The following KIAA0319L variants were observed in gnomAD, a reference collection of about 807,000 sequenced individuals.
The protein encoded by KIAA0319L is dyslexia-associated protein KIAA0319-like protein.
A neutral mutation model predicts 120.1 loss-of-function variants in KIAA0319L; 55 were observed. The ratio of observed to expected loss-of-function variants is 0.46; its 90% confidence interval spans 0.37 to 0.57. KIAA0319L has a LOEUF of 0.57. Ranked by LOEUF, KIAA0319L falls within the 20% of genes least tolerant of loss-of-function variation. The pLI, the probability that KIAA0319L is intolerant of heterozygous loss-of-function variation, is 0.00. For missense variants in KIAA0319L, 1,049 were observed against 1,255.3 expected (o/e 0.84, Z 2.48); for synonymous variants, 398 against 471.9 (o/e 0.84, Z 2.03).
intron 4 of KIAA0319L, among the ~76,000 whole-genome samples, chr1:35,476,244 A>C (rs1388642901): frequency 2.0e-5 from 3 of 152,214 alleles, no homozygotes; most frequent in Admixed American, 2.0e-4. Context: ...TAAGGTGTTT[A>C]ACAGTATCAC....
intron 3 of KIAA0319L, among the ~76,000 whole-genome samples, chr1:35,479,505 A>G (rs1161053972): frequency 6.6e-6 from 1 of 152,208 alleles, no homozygotes; most frequent in Non-Finnish European, 1.5e-5. Context: ...ATTTCTATTC[A>G]ATCTTTCTAC....
chr1:35,465,959 AC>A (rs1467848835), intron 7 of KIAA0319L, among the ~76,000 whole-genome samples: 4 of 152,196 alleles, frequency 2.6e-5, no homozygotes, highest in African/African-American at 9.7e-5. Flanking sequence ...CTCCCCAGCC[AC>A]GTGGAACTGT....
At chr1:35,445,221 G>C (rs1641530709) in intron 16 of KIAA0319L, among the ~76,000 whole-genome samples, 1 of 152,128 alleles carries the variant, frequency 6.6e-6, no homozygotes. Context: ...AGGCATGCAT[G>C]ACATAAAATC....
intron 3 of KIAA0319L, among the ~76,000 whole-genome samples, chr1:35,502,122 C>T (rs754308721): frequency 9.3e-5 from 14 of 151,216 alleles, no homozygotes; most frequent in Non-Finnish European, 1.3e-4. Flanking sequence ...ACTAAAAATA[C>T]AAAAAAAGTC....
chr1:35,462,368 T>C (rs1020593290), intron 8 of KIAA0319L, among the ~76,000 whole-genome samples: 5 of 152,208 alleles, frequency 3.3e-5, no homozygotes, highest in African/African-American at 1.2e-4. Context: ...ATTACATGCA[T>C]AGTTTCAGTT....
intron 3 of KIAA0319L, among the ~76,000 whole-genome samples, chr1:35,491,353 T>C (rs915758194): frequency 1.3e-5 from 2 of 152,118 alleles, no homozygotes; most frequent in Non-Finnish European, 2.9e-5. Flanking sequence ...CAGATTAAAG[T>C]TCAACAAGCC....
chr1:35,500,761 A>AG (rs1343399107), intron 3 of KIAA0319L, among the ~76,000 whole-genome samples: 1 of 152,246 alleles, frequency 6.6e-6, no homozygotes, highest in African/African-American at 2.4e-5. Context: ...TGCATTAAGC[A>AG]GAAGTTTGAA....
Position 35,453,753 on chromosome 1 carries a change from T to C in KIAA0319L, c.1781-64A>G. The C allele has an allele frequency of 6.6e-7, 1 of 1,515,828 alleles. No homozygotes were observed. Among genetic ancestry groups the C allele is most frequent in the Non-Finnish European group, 9.0e-7 (1 of 1,116,602 alleles). 93.9% of individuals were successfully genotyped at this position (1,515,828 alleles called of 1,614,324 possible). The stretch of plus-strand genomic sequence containing the variant: ...CAGGTGGGAAAGGAGAGGAACCAAT[T>C]GGGACACATGTTCTGGAAGCCATGG... On this transcript the variant is annotated intron_variant, in intron 11 of 20. Coordinates refer to ENST00000325722, the MANE Select transcript of KIAA0319L (RefSeq NM_024874.5). This position sits in a 1 kb window ranked among gnomAD's most constrained non-coding sequence, Gnocchi z 4.1.
intron 7 of KIAA0319L, among the ~76,000 whole-genome samples, chr1:35,465,483 A>T (rs1430578206): frequency 6.6e-6 from 1 of 152,180 alleles, no homozygotes; most frequent in Non-Finnish European, 1.5e-5. Flanking sequence ...CCCCCATTGT[A>T]CCTAGGAAGT....
chr1:35,524,188 T>C lies in KIAA0319L; in HGVS notation c.143-17053A>G, dbSNP rs145586862. On this transcript the variant is annotated intron_variant, in intron 2 of 20. Coordinates refer to ENST00000325722, the MANE Select transcript of KIAA0319L (RefSeq NM_024874.5). ...AGTCACAGGGACTAACAGGGATTAC[T>C]AGGTCAAAGAAAAAATAACAAAAAA... Among the ~76,000 whole-genome samples the C allele has an allele frequency of 3.7e-3, 559 of 152,294 alleles. 1 individual carries two copies. The highest frequency in any genetic ancestry group is 5.5e-3 in the Non-Finnish European group (374 of 68,032).
chr1:35,485,795 A>AT (rs1275370028), intron 3 of KIAA0319L, among the ~76,000 whole-genome samples: 1 of 151,722 alleles, frequency 6.6e-6, no homozygotes, highest in Admixed American at 6.6e-5. Flanking sequence ...TGCTAGTGTT[A>AT]TTTATTTATT....
At chr1:35,477,926 A>C (rs149613431) in intron 4 of KIAA0319L, among the ~76,000 whole-genome samples, 68 of 152,292 alleles carry the variant, frequency 4.5e-4, no homozygotes, top group Middle Eastern at 3.4e-3. Context: ...AAAGGAAATC[A>C]GTGTATCGAA....
chr1:35,536,840 G>C (rs1352143721), intron 2 of KIAA0319L, among the ~76,000 whole-genome samples: 1 of 151,506 alleles, frequency 6.6e-6, no homozygotes, highest in East Asian at 1.9e-4. Context: ...AATATTTAAA[G>C]GCAGATTGAA....
intron 3 of KIAA0319L, among the ~76,000 whole-genome samples, chr1:35,497,124 T>G (rs1644839922): frequency 6.6e-6 from 1 of 151,404 alleles, no homozygotes; most frequent in East Asian, 1.9e-4. Context: ...AATGGATGCC[T>G]AGGACTGGGG....
chr1:35,504,840 G>T (rs11264165), intron 3 of KIAA0319L, among the ~76,000 whole-genome samples: 22,573 of 152,016 alleles, frequency 0.15, 3,512 homozygotes, highest in East Asian at 0.52. Context: ...AGGCCTCAAG[G>T]TTCTGCATAC....
intron 15 of KIAA0319L, among the ~76,000 whole-genome samples, chr1:35,448,695 G>T (rs1641824527): frequency 6.6e-6 from 1 of 152,150 alleles, no homozygotes; most frequent in South Asian, 2.1e-4. Context: ...GCCAAGTGGG[G>T]GTTATTAAGC....
chr1:35,474,980 C>A, intron 4 of KIAA0319L, 74 bp from the exon 5 acceptor site: 1 of 857,514 alleles, frequency 1.2e-6, no homozygotes, highest in South Asian at 1.5e-5. Context: ...CTTTTGTGAT[C>A]AAACTCCTTT....
At chr1:35,449,062 A>T (rs897172381) in intron 15 of KIAA0319L, among the ~76,000 whole-genome samples, 1 of 152,270 alleles carries the variant, frequency 6.6e-6, no homozygotes, top group African/African-American at 2.4e-5. Flanking sequence ...TTGCATAATT[A>T]GTAGACTATC....
At chr1:35,479,238 A>C in intron 3 of KIAA0319L, 26 bp from the exon 4 acceptor site, 1 of 1,585,418 alleles carries the variant, frequency 6.3e-7, no homozygotes, top group Non-Finnish European at 8.6e-7. Flanking sequence ...AACTAATTTG[A>C]GTAGGTAAAA....
Sources: allele counts gnomAD v4.1 joint callset (sites outside exome capture counted in the v4.1 genomes callset), GRCh38; gene constraint gnomAD v4.1.1; non-coding constraint Gnocchi (gnomAD v3.1); transcripts MANE v1.5; gene names NCBI Gene and HGNC (gene_info 2026-07-23, HGNC 2026-07-21).